HSDL1: variants seen among roughly 807,000 people sequenced by gnomAD.
HSDL1 encodes the protein inactive hydroxysteroid dehydrogenase-like protein 1.
Under a neutral mutation model 31.5 loss-of-function variants are expected in HSDL1, and 29 were observed. The observed-to-expected ratio is 0.92, with a 90% CI of 0.69 to 1.26. The LOEUF (loss-of-function observed/expected upper bound fraction) is 1.26, where lower values mean the gene tolerates loss of function less well. HSDL1 is among the 50% of genes most tolerant of loss of function. HSDL1 has a pLI of 0.00. For missense variants in HSDL1, 503 were observed against 416.6 expected (o/e 1.21, Z -1.81); for synonymous variants, 222 against 155.2 (o/e 1.43, Z -3.20).
chr16:84,141,362 G>A (rs1055005535), intron 1 of HSDL1, among the ~76,000 whole-genome samples: 1 of 151,168 alleles, frequency 6.6e-6, no homozygotes. Context: ...GATACACCAC[G>A]ATTCACAGGT....
intron 1 of HSDL1, chr16:84,144,494 C>T (rs541126532): frequency 6.6e-6 from 1 of 152,388 alleles, no homozygotes; most frequent in South Asian, 2.1e-4. Flanking sequence ...CCCTTCCCCT[C>T]CAGCACCCGG....
chr16:84,129,663 T>G lies in HSDL1; in HGVS notation c.779A>C (p.Asn260Thr), dbSNP rs113738422. 7 of 1,614,108 alleles carry G rather than the reference T, an allele frequency of 4.3e-6. No homozygotes were observed. Among genetic ancestry groups the G allele is most frequent in the Non-Finnish European group, 5.9e-6 (7 of 1,180,036 alleles). The change falls in exon 5 of 6, where the codon AAC becomes ACC. Residue 260 changes from asparagine (N) to threonine (T), a missense_variant. Transcript: ENST00000219439. Reference sequence around the variant, plus strand: ...CAACCACGAGCACCTGTGCAGAAAGTTGCTGGGTGCTGTCATGCTGGTGGC... The same window carrying G: ...CAACCACGAGCACCTGTGCAGAAAGGTGCTGGGTGCTGTCATGCTGGTGGC... ...YVATSMTAPS[N>T]FLHRCSWLVP...
In HSDL1 at chr16:84,123,365, G is replaced by C; in HGVS notation, c.*1265C>G. 1 of 152,142 alleles carries C rather than the reference G, an allele frequency of 6.6e-6. No homozygotes were observed. The highest frequency in any genetic ancestry group is 1.9e-4 in the East Asian group (1 of 5,200). The allele number at this position is 152,142 out of a possible 1,614,324, so 9.4% of individuals were successfully genotyped here. On this transcript the variant is annotated 3_prime_UTR_variant, in exon 6 of 6. Coordinates refer to ENST00000219439, the MANE Select transcript of HSDL1 (RefSeq NM_031463.5). ...ATGCCGAGCTCTGAATTTTAAATGT[G>C]CACATATTGTCATATTCATATAGTG...
chr16:84,130,494 C>A, intron 3 of HSDL1, 63 bp from the exon 4 acceptor site: 1 of 1,349,152 alleles, frequency 7.4e-7, no homozygotes. Context: ...AAAATGGACC[C>A]AAAGTACCCC....
chr16:84,127,078 C>G (rs1323860772), intron 5 of HSDL1, among the ~76,000 whole-genome samples: 1 of 152,086 alleles, frequency 6.6e-6, no homozygotes, highest in Non-Finnish European at 1.5e-5. Context: ...TGCACCTAAA[C>G]CTGATCCTCA....
At chr16:84,144,905 CA>C (rs201190604) in intron 1 of HSDL1, among the ~76,000 whole-genome samples, 174 bp downstream of exon 1, 2,063 of 149,360 alleles carry the variant, frequency 0.014, 22 homozygotes, top group Non-Finnish European at 0.02. Context: ...TTCCTGGGGT[CA>C]GGGGCGCCAA....
intron 1 of HSDL1, chr16:84,139,259 G>C (rs1347400905): frequency 1.3e-5 from 2 of 152,310 alleles, no homozygotes; most frequent in Admixed American, 1.3e-4. Flanking sequence ...ATGTGACTGA[G>C]TTAAAGACTC....
At chr16:84,139,372 G>C (rs1480045571) in intron 1 of HSDL1, 1 of 152,356 alleles carries the variant, frequency 6.6e-6, no homozygotes, top group Non-Finnish European at 1.5e-5. Context: ...AGGTCAGAGA[G>C]AGCTCGAGTT....
chr16:84,139,427 G>A (rs1413486522), intron 1 of HSDL1: 1 of 152,592 alleles, frequency 6.6e-6, no homozygotes, highest in African/African-American at 2.4e-5. Context: ...GAGAGGGGTG[G>A]GTCACCAGTG....
At chr16:84,129,478 A>G in intron 5 of HSDL1, 70 bp downstream of exon 5, 1 of 1,089,102 alleles carries the variant, frequency 9.2e-7, no homozygotes, top group Admixed American at 1.9e-5. Context: ...CTTTAATCAG[A>G]TTTCTCTGTA....
chr16:84,129,525 T>C, intron 5 of HSDL1, 23 bp downstream of exon 5: 2 of 1,524,298 alleles, frequency 1.3e-6, no homozygotes, highest in South Asian at 1.1e-5. Flanking sequence ...AATCTAATTA[T>C]GAGACCTGAA....
At chr16:84,140,919 G>A (rs1035250080) in intron 1 of HSDL1, among the ~76,000 whole-genome samples, 11 of 151,934 alleles carry the variant, frequency 7.2e-5, no homozygotes, top group African/African-American at 2.4e-4. Flanking sequence ...GTGAAACCCC[G>A]TCTCTACTAA....
Position 84,129,627 on chromosome 16 carries a change from G to C in HSDL1, c.815C>G (p.Pro272Arg), listed in dbSNP as rs2086641976. ...LHRCSWLVPS[P>R]KVYAHHAVST... The stretch of plus-strand genomic sequence containing the variant: ...AACAGCATGATGTGCATAGACTTTT[G>C]GCGAAGGCACCAACCACGAGCACCT... The change falls in exon 5 of 6, where the codon CCA (proline) becomes CGA (arginine). Residue 272 changes from proline to arginine, a missense_variant. Coordinates refer to ENST00000219439, the MANE Select transcript of HSDL1 (RefSeq NM_031463.5). 1.2e-6 allele frequency: 2 copies of C among 1,614,182 alleles called. No homozygotes were observed. Among genetic ancestry groups the C allele is most frequent in the East Asian group, 4.5e-5 (2 of 44,882 alleles).
rs577327601 is a variant in HSDL1, at chr16:84,139,042, G to A, written c.-68-3437C>T. Reference sequence around the variant, plus strand: ...GGACATTACCAAGCTATCCAAATGCGTGTGACGTGGGGCGGGTGGTGAAAG... The same window carrying A: ...GGACATTACCAAGCTATCCAAATGCATGTGACGTGGGGCGGGTGGTGAAAG... On this transcript the variant is annotated intron_variant, in intron 1 of 5. Coordinates refer to ENST00000219439, the MANE Select transcript of HSDL1 (RefSeq NM_031463.5). Among the ~76,000 whole-genome samples the A allele has an allele frequency of 5.3e-5, 8 of 152,318 alleles. No homozygotes were observed. In the East Asian group the frequency reaches 7.7e-4, roughly 15 times the overall value.
Position 84,127,632 on chromosome 16 carries a change from A to C in HSDL1, c.894+1916T>G, listed in dbSNP as rs375247935. ...TAATACTCTTCATGCAAACAGTCCC[A>C]AAAATATCTGTTTGATAATTAAGAA... On this transcript the variant is annotated intron_variant, in intron 5 of 5. Coordinates refer to ENST00000219439, the MANE Select transcript of HSDL1 (RefSeq NM_031463.5). Among the ~76,000 whole-genome samples the C allele has an allele frequency of 3.8e-3, 577 of 151,928 alleles. 3 individuals carry two copies. The highest frequency in any genetic ancestry group is 0.013 in the African/African-American group (538 of 41,414).
intron 4 of HSDL1, 52 bp downstream of exon 4, chr16:84,129,934 A>T: frequency 6.4e-7 from 1 of 1,555,116 alleles, no homozygotes; most frequent in African/African-American, 1.4e-5. Context: ...AACAACTGTT[A>T]ATAAATGTTC....
At chr16:84,129,451 A>G in intron 5 of HSDL1, 97 bp downstream of exon 5, 2 of 887,962 alleles carry the variant, frequency 2.3e-6, no homozygotes, top group South Asian at 3.3e-5. Flanking sequence ...GTCAGAATTT[A>G]CAATTCTCAT....
intron 1 of HSDL1, among the ~76,000 whole-genome samples, chr16:84,142,793 T>C (rs1333784133): frequency 6.6e-6 from 1 of 152,176 alleles, no homozygotes; most frequent in African/African-American, 2.4e-5. Flanking sequence ...CTTTATTTAA[T>C]AAACAGAATC....
chr16:84,128,338 T>A (rs1481977488), intron 5 of HSDL1, among the ~76,000 whole-genome samples: 1 of 151,936 alleles, frequency 6.6e-6, no homozygotes, highest in Non-Finnish European at 1.5e-5. Flanking sequence ...CTACACCAGA[T>A]AAAGGAACTG....
Sources: gnomAD v4.1 joint callset for allele counts (sites outside exome capture counted in the v4.1 genomes callset) on GRCh38, gnomAD v4.1.1 for gene constraint, MANE v1.5 for transcripts, NCBI Gene and HGNC (gene_info 2026-07-23, HGNC 2026-07-21) for gene names.